The following AMOTL1 variants were observed in gnomAD, a reference collection of about 807,000 sequenced individuals.
The protein encoded by AMOTL1 is angiomotin like 1.
AMOTL1 carries 45 observed loss-of-function variants against 102.9 expected under a neutral mutation model. The ratio of observed to expected loss-of-function variants is 0.44; its 90% CI spans 0.34 to 0.56. AMOTL1 has a LOEUF of 0.56. Ranked by LOEUF, AMOTL1 falls within the 20% of genes least tolerant of loss-of-function variation. AMOTL1 has a pLI of 0.01. For missense variants in AMOTL1, 1,114 were observed against 1,225.6 expected (o/e 0.91, Z 1.36); for synonymous variants, 481 against 484.7 (o/e 0.99, Z 0.10).
At chr11:94,708,166 T>TA (rs1170776186) in intron 1 of AMOTL1, among the ~76,000 whole-genome samples, 1 of 152,206 alleles carries the variant, frequency 6.6e-6, no homozygotes, top group Non-Finnish European at 1.5e-5. Flanking sequence ...TCCCCCCTGC[T>TA]ACCAGGCTCA....
At chr11:94,769,054 C>T (rs1433218802) in intron 1 of AMOTL1, among the ~76,000 whole-genome samples, 1 of 152,100 alleles carries the variant, frequency 6.6e-6, no homozygotes, top group African/African-American at 2.4e-5. Context: ...AGACCCGGCT[C>T]TGGCGGGTGG....
chr11:94,739,112 G>C (rs1440476251), intron 2 of AMOTL1, among the ~76,000 whole-genome samples: 1 of 152,212 alleles, frequency 6.6e-6, no homozygotes, highest in East Asian at 1.9e-4. Flanking sequence ...GAAATAAGTA[G>C]AGGAGGCAAG....
In AMOTL1 at chr11:94,871,098, A is replaced by G; in HGVS notation, c.*303A>G. On this transcript the variant is annotated 3_prime_UTR_variant, in exon 13 of 13. Transcript: ENST00000433060. ...TGTACAGAAAATGTATCTCTTGGGG[A>G]GGGCCTGTGTACCCCCATTCTCTGA... The G allele has an allele frequency of 4.3e-6, 1 of 234,752 alleles. No homozygotes were observed. The highest frequency in any genetic ancestry group is 2.2e-5 in the African/African-American group (1 of 45,078). 14.5% of individuals were successfully genotyped at this position (234,752 alleles called of 1,614,324 possible).
chr11:94,780,413 A>T (rs1239891619), intron 1 of AMOTL1, among the ~76,000 whole-genome samples: 3 of 152,154 alleles, frequency 2.0e-5, no homozygotes, highest in African/African-American at 7.2e-5. Context: ...TTATTTTCTG[A>T]GTAATGGTGT....
chr11:94,769,259 T>A (rs959511981), intron 1 of AMOTL1, among the ~76,000 whole-genome samples: 1 of 152,220 alleles, frequency 6.6e-6, no homozygotes, highest in Non-Finnish European at 1.5e-5. Context: ...ATGGAACTGT[T>A]TTTTCTTGGA....
intron 1 of AMOTL1, among the ~76,000 whole-genome samples, chr11:94,772,793 T>C (rs2135519078): frequency 6.6e-6 from 1 of 152,354 alleles, no homozygotes; most frequent in Non-Finnish European, 1.5e-5. Context: ...GCCAAACTTT[T>C]CCAGAGTGGC....
chr11:94,735,064 T>C (rs1055026997), intron 2 of AMOTL1, among the ~76,000 whole-genome samples: 1 of 152,246 alleles, frequency 6.6e-6, no homozygotes, highest in Admixed American at 6.5e-5. Context: ...CGTCTCTTCC[T>C]CTTCTGAACA....
chr11:94,749,763 T>C (rs1950629656), intron 3 of AMOTL1, among the ~76,000 whole-genome samples: 1 of 152,238 alleles, frequency 6.6e-6, no homozygotes, highest in African/African-American at 2.4e-5. Flanking sequence ...AAATGCATTA[T>C]GTGAGAAATG....
At chr11:94,870,571 C>A in intron 12 of AMOTL1, 118 bp from the exon 13 acceptor site, 1 of 666,458 alleles carries the variant, frequency 1.5e-6, no homozygotes, top group South Asian at 2.1e-5. Context: ...TCTCACATGC[C>A]CTGTGGTGAG....
chr11:94,765,328 A>G (rs1177381560), upstream of AMOTL1, among the ~76,000 whole-genome samples: 1 of 152,214 alleles, frequency 6.6e-6, no homozygotes, highest in Non-Finnish European at 1.5e-5. Flanking sequence ...TTTCCATTAG[A>G]CACAAACCAG....
chr11:94,764,441 C>T (rs1437368648), upstream of AMOTL1, among the ~76,000 whole-genome samples: 2 of 152,172 alleles, frequency 1.3e-5, no homozygotes, highest in Admixed American at 1.3e-4. Flanking sequence ...TAAAAAATAT[C>T]CTTACTTGTT....
chr11:94,853,280 C>G (rs1018887571), intron 7 of AMOTL1, among the ~76,000 whole-genome samples: 11 of 152,240 alleles, frequency 7.2e-5, no homozygotes, highest in African/African-American at 2.6e-4. Context: ...AGCTATTTGT[C>G]CTAATCCTCT....
chr11:94,819,037 A>G (rs1333271393), intron 3 of AMOTL1, among the ~76,000 whole-genome samples: 2 of 152,076 alleles, frequency 1.3e-5, no homozygotes, highest in Non-Finnish European at 2.9e-5. Context: ...TTCTCTTCAT[A>G]GGATATGAGA....
At position 94,821,803 on chromosome 11, in the gene AMOTL1, T is replaced by G. The variant is rs1207781680; in HGVS notation, c.1395T>G (p.Asn465Lys). 3.7e-6 allele frequency: 6 copies of G among 1,613,752 alleles called. No homozygotes were observed. The highest frequency in any genetic ancestry group is 5.1e-6 in the Non-Finnish European group (6 of 1,179,808). ...AGGAACTTCAGGGTTACTACGACAA[T>G]GCCGACAAGCTCCACAAGGTGCGTG... is the stretch of plus-strand genomic sequence containing the variant. ...LHQELQGYYD[N>K]ADKLHKFEKE... Residue 465 changes from asparagine to lysine, a missense_variant, in exon 4 of 13, where the codon AAT (asparagine) becomes AAG (lysine). Physicochemically the swap from Asn to Lys is moderately conservative, Grantham distance 94. Coordinates refer to ENST00000433060, the MANE Select transcript of AMOTL1 (RefSeq NM_130847.3).
intron 4 of AMOTL1, among the ~76,000 whole-genome samples, chr11:94,823,076 G>C (rs1951898146): frequency 6.6e-6 from 1 of 152,212 alleles, no homozygotes; most frequent in South Asian, 2.1e-4. Context: ...TAGTGTTAGT[G>C]TTCATGAGTT....
chr11:94,766,686 A>G (rs1347442992), upstream of AMOTL1, among the ~76,000 whole-genome samples: 2 of 152,192 alleles, frequency 1.3e-5, no homozygotes, highest in Non-Finnish European at 2.9e-5. Context: ...TTTGCGATTC[A>G]GGGTTCACAA....
intron 6 of AMOTL1, among the ~76,000 whole-genome samples, chr11:94,842,424 T>G (rs574468242): frequency 8.7e-4 from 133 of 152,124 alleles, no homozygotes; most frequent in African/African-American, 3.0e-3. Flanking sequence ...AAAAAAAAAG[T>G]GGGTTGGGGG....
In AMOTL1 at chr11:94,854,097, A is replaced by C. The variant is rs1336064346; in HGVS notation, c.1944+15A>C. ...GAACCCAGCAGGTAAGGAACTGGGC[A>C]TGGACTGGTGAAAGAATTAGATATG... On this transcript the variant is annotated intron_variant, in intron 8 of 12. Coordinates refer to ENST00000433060, the MANE Select transcript of AMOTL1 (RefSeq NM_130847.3). 3.9e-6 allele frequency: 6 copies of C among 1,524,508 alleles called. No homozygotes were observed. The highest frequency in any genetic ancestry group is 5.3e-6 in the Non-Finnish European group (6 of 1,131,586). 94.4% of individuals were successfully genotyped at this position (1,524,508 alleles called of 1,614,324 possible). A position where few individuals can be genotyped will look rare whatever the true frequency, so the allele number is the denominator to read the frequency against.
chr11:94,848,294 A>G (rs761225998), intron 6 of AMOTL1, among the ~76,000 whole-genome samples: 9 of 152,128 alleles, frequency 5.9e-5, no homozygotes, highest in Non-Finnish European at 1.3e-4. Flanking sequence ...TTTCAGAGGC[A>G]CCATTTCAAA....
Sources: gnomAD v4.1 joint callset for allele counts (sites outside exome capture counted in the v4.1 genomes callset) on GRCh38, gnomAD v4.1.1 for gene constraint, MANE v1.5 for transcripts, NCBI Gene and HGNC (gene_info 2026-07-23, HGNC 2026-07-21) for gene names.